FCRL2: variants seen among roughly 807,000 people sequenced by gnomAD.
FCRL2 encodes Fc receptor like 2, also known as Fc receptor-like protein 2.
In FCRL2, 48 loss-of-function variants were observed where a neutral mutation model predicts 59.8. The observed-to-expected ratio is 0.80, with a 90% CI of 0.64 to 1.02. The LOEUF is 1.02. FCRL2 is among the 50% of genes least tolerant of loss of function. The pLI, the probability that FCRL2 is intolerant of heterozygous loss-of-function variation, is 0.00. For synonymous variants in FCRL2, 251 were observed against 229.5 expected (o/e 1.09, Z -0.85); for missense variants, 658 against 597.3 (o/e 1.10, Z -1.06).
At position 157,767,411 on chromosome 1, in the gene FCRL2, G is replaced by C; in HGVS notation, c.982C>G (p.Pro328Ala). 6.2e-7 allele frequency: 1 copy of C among 1,614,244 alleles called. No homozygotes were observed. Among genetic ancestry groups the C allele is most frequent in the Non-Finnish European group, 8.5e-7 (1 of 1,180,034 alleles). Residue 328 changes from proline to alanine, a missense_variant, in exon 6 of 12, where the codon CCC (proline) becomes GCC (alanine). Physicochemically the swap from Pro to Ala is conservative, Grantham distance 27. Coordinates refer to ENST00000361516, the MANE Select transcript of FCRL2 (RefSeq NM_030764.4). ...ELHCEALRGS[P>A]PILYQFYHED... ...TGATAAAATTGGTACAAGATTGGGG[G>C]AGAGCCTCTCAGGGCCTCACAGTGA...
intron 8 of FCRL2, 87 bp downstream of exon 8, chr1:157,749,563 T>G: frequency 1.1e-6 from 1 of 898,626 alleles, no homozygotes; most frequent in Non-Finnish European, 1.8e-6. Context: ...AGCTTCAGTC[T>G]CAACGTACAA....
chr1:157,749,721 T>C, intron 7 of FCRL2, 44 bp from the exon 8 acceptor site: 1 of 1,546,376 alleles, frequency 6.5e-7, no homozygotes, highest in South Asian at 1.2e-5. Flanking sequence ...GAAGGAAGCT[T>C]TATCTCTTAA....
intron 2 of FCRL2, 21 bp downstream of exon 2, chr1:157,775,754 A>T: frequency 6.2e-7 from 1 of 1,613,986 alleles, no homozygotes; most frequent in African/African-American, 1.3e-5. Context: ...ACCAAGAACA[A>T]CAAAGACAAG....
chr1:157,770,590 G>A lies in FCRL2; in HGVS notation c.129C>T (p.Asn43=), dbSNP rs775681110. 4 of 1,614,004 alleles carry A rather than the reference G, an allele frequency of 2.5e-6. No individual in the cohort carries two copies. The highest frequency in any genetic ancestry group is 2.2e-5 in the South Asian group (2 of 91,084). Residue 43 remains asparagine (N), a synonymous_variant, in exon 3 of 12, where the codon AAC becomes AAT. Coordinates refer to ENST00000361516, the MANE Select transcript of FCRL2 (RefSeq NM_030764.4). ...GGTAAGCCATCTTCTGAATTTTCCA[G>A]TTCTGTTCTCCCTGGCATTTCAGAA... ...SIVLKCQGEQ[N]WKIQKMAYHK...
At chr1:157,764,302 C>A (rs1393660871) in intron 7 of FCRL2, among the ~76,000 whole-genome samples, 5 of 151,956 alleles carry the variant, frequency 3.3e-5, no homozygotes, top group African/African-American at 1.2e-4. Context: ...GTACTCAACA[C>A]TTGAGCACCC....
Position 157,768,490 on chromosome 1 carries a change from A to G in FCRL2, c.807T>C (p.Asp269=). The part of the protein sequence containing the change: ...ELEIPAVKES[D]AGKYYCRADN... ...CAGCTCTACAGTAATATTTGCCGGCATCACTCTCTTTCACAGCTGGGATCT... is the reference window on the plus strand; with the variant it reads ...CAGCTCTACAGTAATATTTGCCGGCGTCACTCTCTTTCACAGCTGGGATCT... The change falls in exon 5 of 12, where the codon GAT becomes GAC. Residue 269 remains aspartate (D), a synonymous_variant. Coordinates refer to ENST00000361516, the MANE Select transcript of FCRL2 (RefSeq NM_030764.4). The G allele has an allele frequency of 6.2e-7, 1 of 1,614,166 alleles. No homozygotes were observed. Among genetic ancestry groups the G allele is most frequent in the Non-Finnish European group, 8.5e-7 (1 of 1,180,014 alleles).
intron 10 of FCRL2, among the ~76,000 whole-genome samples, chr1:157,747,718 T>C (rs986503999): frequency 6.6e-6 from 1 of 152,206 alleles, no homozygotes; most frequent in Non-Finnish European, 1.5e-5. Flanking sequence ...TTAAGGGCAC[T>C]GGAGCAGAAG....
intron 1 of FCRL2, among the ~76,000 whole-genome samples, chr1:157,776,583 C>G (rs959247242): frequency 3.9e-4 from 60 of 152,134 alleles, no homozygotes; most frequent in African/African-American, 1.4e-3. Context: ...ATCTTATTTT[C>G]TAGCAGCAGC....
chr1:157,755,325 G>A (rs74119658), intron 7 of FCRL2, among the ~76,000 whole-genome samples: 2,700 of 152,208 alleles, frequency 0.018, 71 homozygotes, highest in African/African-American at 0.061. Flanking sequence ...GGGCAGTAAT[G>A]TTTCTCAATT....
chr1:157,746,703 G>A lies in FCRL2; in HGVS notation c.*33C>T. On this transcript the variant is annotated 3_prime_UTR_variant, in exon 12 of 12. Transcript: ENST00000361516. The stretch of plus-strand genomic sequence containing the variant: ...CAAGTCTTAATGATGCCCCATCCTT[G>A]CTGTTGATCTTCCCTTCTGATTCCT... 6.2e-7 allele frequency: 1 copy of A among 1,604,430 alleles called. No individual in the cohort carries two copies. Among genetic ancestry groups the A allele is most frequent in the Middle Eastern group, 1.7e-4 (1 of 6,040 alleles).
At chr1:157,765,966 G>C (rs145396218) in intron 7 of FCRL2, among the ~76,000 whole-genome samples, 2,428 of 152,260 alleles carry the variant, frequency 0.016, 26 homozygotes, top group Middle Eastern at 0.044. Context: ...AGGAAATCCA[G>C]GCCATGTTGA....
intron 7 of FCRL2, among the ~76,000 whole-genome samples, chr1:157,751,594 C>T (rs914423029): frequency 6.6e-6 from 1 of 152,114 alleles, no homozygotes; most frequent in African/African-American, 2.4e-5. Context: ...CAGGTGGGTG[C>T]AATGGTGTGC....
intron 10 of FCRL2, among the ~76,000 whole-genome samples, chr1:157,747,572 G>A (rs1385651659): frequency 6.6e-6 from 1 of 152,184 alleles, no homozygotes; most frequent in Non-Finnish European, 1.5e-5. Flanking sequence ...ACCTTCAGAG[G>A]CTCAGAGGAG....
chr1:157,755,373 G>A (rs767853988), intron 7 of FCRL2, among the ~76,000 whole-genome samples: 1 of 152,128 alleles, frequency 6.6e-6, no homozygotes, highest in Non-Finnish European at 1.5e-5. Flanking sequence ...ACAATACTTT[G>A]TGTGGCTGGT....
In FCRL2 at chr1:157,766,938, G is replaced by C; in HGVS notation, c.1196C>G (p.Ala399Gly). The C allele has an allele frequency of 6.2e-7, 1 of 1,614,204 alleles. No homozygotes were observed. The highest frequency in any genetic ancestry group is 1.3e-5 in the African/African-American group (1 of 75,054). The change falls in exon 7 of 12, where the codon GCT (alanine) becomes GGT (glycine). Residue 399 changes from alanine to glycine, a missense_variant. Transcript: ENST00000361516. ...ACCAAACAGTCCCCAGAGAACTCCA[G>C]CTGTCATGAGGTCTCTTCTATAGCC... ...PDGYRRDLMT[A>G]GVLWGLFGVL...
intron 6 of FCRL2, 41 bp downstream of exon 6, chr1:157,767,190 C>A (rs759268243): frequency 3.8e-6 from 6 of 1,577,372 alleles, no homozygotes; most frequent in Non-Finnish European, 5.2e-6. Flanking sequence ...TGAGACACAG[C>A]CATTGACATC....
At chr1:157,770,732 A>G in intron 2 of FCRL2, 66 bp from the exon 3 acceptor site, 1 of 1,569,930 alleles carries the variant, frequency 6.4e-7, no homozygotes, top group Non-Finnish European at 8.7e-7. Context: ...CTCCATTGGC[A>G]GTGAGGTGGT....
rs555905392 is a variant in FCRL2, at chr1:157,763,748, A to C, written c.1279+3107T>G. Among the ~76,000 whole-genome samples, 4 of 152,134 alleles carry C rather than the reference A, an allele frequency of 2.6e-5. No homozygotes were observed. In the South Asian group the frequency reaches 8.3e-4, roughly 32 times the overall value. ...TAAAACAGACTGAGTCAAAAACAGCAGGCTGGGCACGGTGGCTCATGCCTG... is the reference window on the plus strand; with the variant it reads ...TAAAACAGACTGAGTCAAAAACAGCCGGCTGGGCACGGTGGCTCATGCCTG... On this transcript the variant is annotated intron_variant, in intron 7 of 11. Transcript: ENST00000361516.
chr1:157,767,331 G>T lies in FCRL2; in HGVS notation c.1062C>A (p.Phe354Leu). The change falls in exon 6 of 12, where the codon TTC becomes TTA. Residue 354 changes from phenylalanine (F) to leucine (L), a missense_variant. Phe to Leu is a conservative substitution (Grantham distance 22). Transcript: ENST00000361516. ...AATGTTCTGCAGTCAAAGAGAGGTT[G>T]AAGGAGGCCCCTCCTCCAGAGGGGG... ...SSAPSGGGAS[F>L]NLSLTAEHSG... The T allele has an allele frequency of 6.2e-7, 1 of 1,614,234 alleles. No homozygotes were observed. The highest frequency in any genetic ancestry group is 8.5e-7 in the Non-Finnish European group (1 of 1,180,040).
Sources: allele counts gnomAD v4.1 joint callset (sites outside exome capture counted in the v4.1 genomes callset), GRCh38; gene constraint gnomAD v4.1.1; transcripts MANE v1.5; gene names NCBI Gene and HGNC (gene_info 2026-07-23, HGNC 2026-07-21).